The following PRR14L variants were observed in gnomAD, a reference collection of about 807,000 sequenced individuals.
PRR14L encodes proline rich 14 like.
In PRR14L, 80 loss-of-function variants were observed where a neutral mutation model predicts 155.0. That is an observed-to-expected ratio of 0.52 (90% CI 0.43 to 0.62). The LOEUF is 0.62. Ranked by LOEUF, PRR14L falls within the 20% of genes least tolerant of loss-of-function variation. PRR14L has a pLI of 0.00. For synonymous variants in PRR14L, 883 were observed against 916.0 expected, an observed-to-expected ratio of 0.96 and a Z score of 0.65; for missense variants, 2,469 against 2,548.0, an observed-to-expected ratio of 0.97 and a Z score of 0.67.
At chr22:31,744,794 C>T (rs578074975) in intron 1 of PRR14L, among the ~76,000 whole-genome samples, 46 of 152,254 alleles carry the variant, frequency 3.0e-4, no homozygotes, top group African/African-American at 9.1e-4. Context: ...GCTCCACATA[C>T]GGTCATACAC....
At chr22:31,688,897 T>TACATACACACACAC (rs1569497065) in intron 7 of PRR14L, among the ~76,000 whole-genome samples, 1 of 133,068 alleles carries the variant, frequency 7.5e-6, no homozygotes, top group Non-Finnish European at 1.6e-5. Flanking sequence ...AAAAAATATA[T>TACATACACACACAC]ACATACACAC....
At chr22:31,720,676 A>C (rs979312847) in intron 3 of PRR14L, among the ~76,000 whole-genome samples, 1 of 152,260 alleles carries the variant, frequency 6.6e-6, no homozygotes, top group African/African-American at 2.4e-5. Flanking sequence ...CGAAGGTTGC[A>C]GTGAGCCAAG....
chr22:31,689,067 C>T (rs2074497774), intron 7 of PRR14L, among the ~76,000 whole-genome samples: 2 of 152,110 alleles, frequency 1.3e-5, no homozygotes, highest in Non-Finnish European at 2.9e-5. Flanking sequence ...CCAAAGATGG[C>T]CAATGGTTTT....
chr22:31,730,137 C>T (rs1401379399), intron 2 of PRR14L, among the ~76,000 whole-genome samples: 1 of 129,238 alleles, frequency 7.7e-6, no homozygotes, highest in Non-Finnish European at 1.6e-5. Context: ...GAGACTCAGT[C>T]TAAAAAAAAA....
chr22:31,715,733 A>G lies in PRR14L; in HGVS notation c.2106T>C (p.Ala702=). The change falls in exon 4 of 9, where the codon GCT becomes GCC. Residue 702 remains alanine (A), a synonymous_variant. Coordinates refer to ENST00000327423, the MANE Select transcript of PRR14L (RefSeq NM_173566.3). ...PPLEGRADVI[A]DIQTIPIQTK... ...TCTGAATGGGAATGGTTTGTATATC[A>G]GCAATGACATCTGCTCTACCCTCTA... The G allele has an allele frequency of 6.4e-7, 1 of 1,552,274 alleles. No homozygotes were observed. The highest frequency in any genetic ancestry group is 8.7e-7 in the Non-Finnish European group (1 of 1,147,096).
In PRR14L at chr22:31,713,170, T is replaced by C; in HGVS notation, c.4669A>G (p.Ile1557Val). 6.4e-7 allele frequency: 1 copy of C among 1,551,984 alleles called. No individual in the cohort carries two copies. The highest frequency in any genetic ancestry group is 8.7e-7 in the Non-Finnish European group (1 of 1,147,054). ...SAFLKSSSNP[I>V]PTKAHRLLSL... ...AGAAGTCTGTGCGCTTTTGTGGGGA[T>C]GGGATTGGAAGAACTCTTTAAAAAG... is the stretch of plus-strand genomic sequence containing the variant. The change falls in exon 4 of 9, where the codon ATC (isoleucine) becomes GTC (valine). Residue 1557 changes from isoleucine to valine, a missense_variant. Coordinates refer to ENST00000327423, the MANE Select transcript of PRR14L (RefSeq NM_173566.3).
At chr22:31,695,103 C>T (rs111638721) in intron 7 of PRR14L, among the ~76,000 whole-genome samples, 1,671 of 152,150 alleles carry the variant, frequency 0.011, 32 homozygotes, top group African/African-American at 0.038. Context: ...AACAAAAAAA[C>T]CTACAGTTAT....
chr22:31,735,322 TC>T (rs2074772982), intron 2 of PRR14L, among the ~76,000 whole-genome samples: 1 of 152,050 alleles, frequency 6.6e-6, no homozygotes, highest in South Asian at 2.1e-4. Context: ...GCGCCTGTAG[TC>T]CCAGCTACTA....
At chr22:31,687,713 G>A (rs115083714) in intron 8 of PRR14L, among the ~76,000 whole-genome samples, 2,199 of 151,484 alleles carry the variant, frequency 0.015, 55 homozygotes, top group African/African-American at 0.051. Context: ...CCTAATTCAA[G>A]TGCTGCAATT....
chr22:31,702,736 G>A (rs1055032898), intron 6 of PRR14L, among the ~76,000 whole-genome samples: 4 of 151,848 alleles, frequency 2.6e-5, no homozygotes, highest in African/African-American at 9.7e-5. Context: ...GGCTGGTCTC[G>A]AACTCCTGAC....
At position 31,717,306 on chromosome 22, in the gene PRR14L, T is replaced by C. The variant is rs535002097; in HGVS notation, c.548-15A>G. On this transcript the variant is annotated splice_polypyrimidine_tract_variant and intron_variant, in intron 3 of 8. Transcript: ENST00000327423. ...TACATTTCCTTCTGAATAAGAGAAATAAATCCAAATTAATATGCAGTAATA... is the reference window on the plus strand; with the variant it reads ...TACATTTCCTTCTGAATAAGAGAAACAAATCCAAATTAATATGCAGTAATA... 470 of 1,516,236 alleles carry C rather than the reference T, an allele frequency of 3.1e-4. 4 individuals are homozygous for C. The South Asian group carries it at 5.2e-3, about 17-fold the overall frequency. The allele number at this position is 1,516,236 out of a possible 1,614,324, so 93.9% of individuals were successfully genotyped here.
Position 31,721,644 on chromosome 22 carries a change from T to C in PRR14L, c.547+3894A>G, listed in dbSNP as rs576957046. ...AGCAGCAGACATATGATTGTGCCTA[T>C]AGCTTACAATTATCTATTACATATT... On this transcript the variant is annotated intron_variant, in intron 3 of 8. Coordinates refer to ENST00000327423, the MANE Select transcript of PRR14L (RefSeq NM_173566.3). 2.0e-3 allele frequency among the ~76,000 whole-genome samples: 304 copies of C among 152,058 alleles called. 1 individual carries two copies. Among genetic ancestry groups the C allele is most frequent in the South Asian group, 0.016 (76 of 4,820 alleles).
In PRR14L at chr22:31,728,695, G is replaced by A. The variant is rs535836574; in HGVS notation, c.475-3085C>T. Among the ~76,000 whole-genome samples the A allele has an allele frequency of 7.9e-5, 11 of 139,434 alleles. No homozygotes were observed. In the East Asian group the frequency reaches 1.5e-3, roughly 18 times the overall value. The allele number at this position is 139,434 out of a possible 152,430, so 91.5% of individuals were successfully genotyped here. On this transcript the variant is annotated intron_variant, in intron 2 of 8. Transcript: ENST00000327423. ...TGTGCCACTGCACTCCAGCCTGGGC[G>A]ACAGAGTAGACTCCATCTCAAAAAA...
intron 4 of PRR14L, 93 bp from the exon 5 acceptor site, chr22:31,704,819 C>A: frequency 1.2e-6 from 1 of 860,628 alleles, no homozygotes; most frequent in Non-Finnish European, 1.9e-6. Context: ...CACATGATAG[C>A]CCCAAGAAGA....
rs895743829 is a variant in PRR14L, at chr22:31,704,072, C to T, written c.5829-351G>A. Among the ~76,000 whole-genome samples, 4 of 152,180 alleles carry T rather than the reference C, an allele frequency of 2.6e-5. No homozygotes were observed. The East Asian group carries it at 7.7e-4, about 29-fold the overall frequency. On this transcript the variant is annotated intron_variant, in intron 5 of 8. Transcript: ENST00000327423. Reference sequence around the variant, plus strand: ...CCGGCCTCCCAAAGTGCTGGGATTACAGGTGTGAGCCACCACGCCCAGCCT... The same window carrying T: ...CCGGCCTCCCAAAGTGCTGGGATTATAGGTGTGAGCCACCACGCCCAGCCT...
rs756997972 is a variant in PRR14L, at chr22:31,715,830, G to C, written c.2009C>G (p.Ser670Cys). ...SQEHANLPTD[S>C]LLHLNKEMPL... ...CATCTCTTTGTTTAAATGCAGTAGA[G>C]AGTCAGTTGGCAAATTTGCATGTTC... Residue 670 changes from serine to cysteine, a missense_variant, in exon 4 of 9, where the codon TCT becomes TGT. By Grantham distance (112) the Ser-to-Cys change is moderately radical. Transcript: ENST00000327423. 16 of 1,551,536 alleles carry C rather than the reference G, an allele frequency of 1.0e-5. No homozygotes were observed. The South Asian group carries it at 1.8e-4, about 17-fold the overall frequency.
intron 7 of PRR14L, among the ~76,000 whole-genome samples, chr22:31,692,454 A>G (rs1054764495): frequency 1.3e-5 from 2 of 152,112 alleles, no homozygotes; most frequent in African/African-American, 4.8e-5. Context: ...CTTGTGGGCC[A>G]TTTGTCTATC....
At chr22:31,745,355 CGACAGAGCGA>C (rs774144923) in intron 1 of PRR14L, among the ~76,000 whole-genome samples, 3 of 151,396 alleles carry the variant, frequency 2.0e-5, no homozygotes, top group Non-Finnish European at 4.4e-5. Flanking sequence ...CCAGCCTGGG[CGACAGAGCGA>C]GACTCCGTCT....
chr22:31,747,808 C>CAAA (rs560956513), intron 1 of PRR14L, among the ~76,000 whole-genome samples: 3 of 112,076 alleles, frequency 2.7e-5, no homozygotes, highest in Admixed American at 9.2e-5. Flanking sequence ...CCTATCCCAC[C>CAAA]AAAAAAAAAA....
Sources: allele counts gnomAD v4.1 joint callset (sites outside exome capture counted in the v4.1 genomes callset), GRCh38; gene constraint gnomAD v4.1.1; transcripts MANE v1.5; gene names NCBI Gene and HGNC (gene_info 2026-07-23, HGNC 2026-07-21).